The following DHX57 variants were observed in gnomAD, a reference collection of about 807,000 sequenced individuals.
The protein encoded by DHX57 is putative ATP-dependent RNA helicase DHX57.
A neutral mutation model predicts 156.2 loss-of-function variants in DHX57; 105 were observed. The observed-to-expected ratio is 0.67, with a 90% CI of 0.57 to 0.79. The LOEUF (loss-of-function observed/expected upper bound fraction) is 0.79, where lower values mean the gene tolerates loss of function less well. Among genes scored for constraint, DHX57 ranks in the 30% least tolerant of loss-of-function variants. DHX57 has a pLI of 0.00. For synonymous variants in DHX57, 704 were observed against 595.6 expected (o/e 1.18, Z -2.65); for missense variants, 1,847 against 1,661.9 (o/e 1.11, Z -1.94).
At chr2:38,819,552 T>C (rs999757944) in intron 17 of DHX57, among the ~76,000 whole-genome samples, 8 of 152,176 alleles carry the variant, frequency 5.3e-5, no homozygotes, top group Non-Finnish European at 1.0e-4. Flanking sequence ...GAAAGGATTT[T>C]GTGTGGAAAA....
intron 20 of DHX57, among the ~76,000 whole-genome samples, 167 bp downstream of exon 20, chr2:38,815,354 C>T (rs10865144): frequency 0.55 from 83,441 of 152,124 alleles, 24,543 homozygotes; most frequent in East Asian, 0.81. Flanking sequence ...CACGAGCCAC[C>T]GTGCCAGATC....
chr2:38,837,848 T>C lies in DHX57; in HGVS notation c.2525A>G (p.Lys842Arg), dbSNP rs1376211853. 3 of 1,604,630 alleles carry C rather than the reference T, an allele frequency of 1.9e-6. No homozygotes were observed. Among genetic ancestry groups the C allele is most frequent in the East Asian group, 4.5e-5 (2 of 44,826 alleles). ...GCAGTTACCTGGAGGGTAGGAGTGC[T>C]TTCCATCCACAATCCACTCTAATAA... ...EALLEWIVDG[K>R]HSYPPGAILV... Residue 842 changes from lysine (K) to arginine (R), a missense_variant, in exon 13 of 24, where the codon AAG (lysine) becomes AGG (arginine). By Grantham distance (26) the Lys-to-Arg change is conservative. Transcript: ENST00000457308.
rs761744689 is a variant in DHX57 at position 38,825,864 on chromosome 2, C to CA, written c.2996dup (p.Leu999PhefsTer9). The CA allele has an allele frequency of 6.2e-7, 1 of 1,614,142 alleles. No individual in the cohort carries two copies. The highest frequency in any genetic ancestry group is 2.2e-5 in the East Asian group (1 of 44,878). On this transcript the variant is annotated frameshift_variant, in exon 16 of 24. Transcript: ENST00000457308. LOFTEE classifies it high-confidence loss of function. ...GATGTCACCTTAGACACAGCTGTTC[C>CA]AATGGCACTCTTTGTATTTCTGGTA...
intron 13 of DHX57, among the ~76,000 whole-genome samples, chr2:38,830,200 G>A (rs572428718): frequency 6.6e-6 from 1 of 152,258 alleles, no homozygotes; most frequent in African/African-American, 2.4e-5. Context: ...AATAAATGAG[G>A]AATCTGAATT....
chr2:38,803,994 C>T (rs1306136947), intron 22 of DHX57, among the ~76,000 whole-genome samples: 1 of 152,064 alleles, frequency 6.6e-6, no homozygotes, highest in African/African-American at 2.4e-5. Flanking sequence ...GTTGGCCAGG[C>T]TGGTCTCAAA....
chr2:38,840,533 AC>A (rs1671936905), intron 12 of DHX57, among the ~76,000 whole-genome samples: 1 of 151,792 alleles, frequency 6.6e-6, no homozygotes. Context: ...GGTGTGTGCC[AC>A]CACACCTGGC....
In DHX57 at chr2:38,861,372, A is replaced by G; in HGVS notation, c.1038T>C (p.Ile346=). The G allele has an allele frequency of 6.2e-7, 1 of 1,613,924 alleles. No homozygotes were observed. The highest frequency in any genetic ancestry group is 8.5e-7 in the Non-Finnish European group (1 of 1,179,964). The change falls in exon 5 of 24, where the codon ATT becomes ATC. Residue 346 remains isoleucine (I), a synonymous_variant. Transcript: ENST00000457308. ...RSVDDSHLNA[I]EDASFLYELE... Reference sequence around the variant, plus strand: ...GTTCATATAAAAAAGATGCATCTTCAATAGCATTAAGATGAGAATCATCTA... The same window carrying G: ...GTTCATATAAAAAAGATGCATCTTCGATAGCATTAAGATGAGAATCATCTA...
At chr2:38,848,763 T>C (rs900209465) in intron 9 of DHX57, among the ~76,000 whole-genome samples, 1 of 152,186 alleles carries the variant, frequency 6.6e-6, no homozygotes, top group Non-Finnish European at 1.5e-5. Flanking sequence ...TATATAATAT[T>C]TTGAATAATT....
intron 22 of DHX57, 66 bp from the exon 23 acceptor site, chr2:38,802,981 G>A: frequency 6.4e-7 from 1 of 1,573,800 alleles, no homozygotes; most frequent in Non-Finnish European, 8.7e-7. Context: ...CAACCCCCCA[G>A]TCCCACGGAT....
chr2:38,805,135 AAAC>A (rs974432317), intron 22 of DHX57, among the ~76,000 whole-genome samples: 27 of 149,912 alleles, frequency 1.8e-4, no homozygotes, highest in African/African-American at 1.0e-4. Flanking sequence ...GAAACATGCA[AAAC>A]AACAACAACA....
chr2:38,851,768 C>G (rs1672604283), intron 9 of DHX57, among the ~76,000 whole-genome samples: 1 of 152,146 alleles, frequency 6.6e-6, no homozygotes, highest in Non-Finnish European at 1.5e-5. Flanking sequence ...ATAGGTTTCC[C>G]TAAAAGTTTA....
chr2:38,870,637 T>A (rs1558410203), intron 1 of DHX57, among the ~76,000 whole-genome samples: 1 of 152,130 alleles, frequency 6.6e-6, no homozygotes, highest in East Asian at 1.9e-4. Flanking sequence ...TCCAGCACTA[T>A]GGGAGGCCAA....
At chr2:38,849,536 A>AC (rs1191176990) in intron 9 of DHX57, among the ~76,000 whole-genome samples, 1 of 97,044 alleles carries the variant, frequency 1.0e-5, no homozygotes, top group Non-Finnish European at 2.2e-5. Context: ...ATATAGCAAG[A>AC]CCCCATCTCT....
intron 20 of DHX57, 129 bp from the exon 21 acceptor site, chr2:38,814,024 G>A (rs1443024942): frequency 2.6e-5 from 24 of 940,410 alleles, no homozygotes; most frequent in Middle Eastern, 4.6e-4. Flanking sequence ...TGCAACCTCC[G>A]CCTCCCAGGT....
At chr2:38,829,166 C>T (rs1252218236) in intron 13 of DHX57, among the ~76,000 whole-genome samples, 1 of 152,108 alleles carries the variant, frequency 6.6e-6, no homozygotes. Flanking sequence ...TGGTCTCAAA[C>T]TCCTGGACTC....
Position 38,798,438 on chromosome 2 carries a change from G to A in DHX57, c.4022C>T (p.Ala1341Val). ...GCAACGAAGCTCCTTTACCAGTTCA[G>A]CCACCTAAAATGAAAGCTACAATAT... ...IRFVAASHQV[A>V]ELVKELRCEL... Residue 1341 changes from alanine to valine, a missense_variant, in exon 24 of 24, where the codon GCT (alanine) becomes GTT (valine). Transcript: ENST00000457308. 1 of 1,609,456 alleles carries A rather than the reference G, an allele frequency of 6.2e-7. No homozygotes were observed. The highest frequency in any genetic ancestry group is 8.5e-7 in the Non-Finnish European group (1 of 1,178,408).
Position 38,843,009 on chromosome 2 carries a change from A to G in DHX57, c.2421T>C (p.Tyr807=), listed in dbSNP as rs780204210. The G allele has an allele frequency of 2.5e-6, 4 of 1,614,054 alleles. No homozygotes were observed. Among genetic ancestry groups the G allele is most frequent in the East Asian group, 2.2e-5 (1 of 44,894 alleles). Residue 807 remains tyrosine, a synonymous_variant, in exon 12 of 24, where the codon TAT becomes TAC. Transcript: ENST00000457308. ...TTCCCCCAAGAGGCATGTTACCTTTATAGCGGGCCAGGAGCTGCTTAAAAT... is the reference window on the plus strand; with the variant it reads ...TTCCCCCAAGAGGCATGTTACCTTTGTAGCGGGCCAGGAGCTGCTTAAAAT... ...QLDFKQLLAR[Y]KGVSKSVIKT...
intron 13 of DHX57, among the ~76,000 whole-genome samples, chr2:38,830,483 C>T (rs777365276): frequency 6.6e-6 from 1 of 151,940 alleles, no homozygotes; most frequent in Non-Finnish European, 1.5e-5. Context: ...CAAAAATTAG[C>T]CTGGCATGGT....
chr2:38,861,115 T>C lies in DHX57; in HGVS notation c.1295A>G (p.Tyr432Cys), dbSNP rs534676110. ...VKLLTNTHHKYSDPPVNFLPV... is the reference protein window; with the variant it reads ...VKLLTNTHHKCSDPPVNFLPV... ...CAGAAAGTTCACAGGAGGGTCACTA[T>C]ACTTGTGGTGGGTATTCGTTAGTAA... Residue 432 changes from tyrosine to cysteine, a missense_variant, in exon 5 of 24, where the codon TAT becomes TGT. Coordinates refer to ENST00000457308, the MANE Select transcript of DHX57 (RefSeq NM_198963.3). The C allele has an allele frequency of 1.9e-5, 30 of 1,614,234 alleles. No homozygotes were observed. The highest frequency in any genetic ancestry group is 4.0e-5 in the African/African-American group (3 of 75,070).
Sources: allele counts gnomAD v4.1 joint callset (sites outside exome capture counted in the v4.1 genomes callset), GRCh38; gene constraint gnomAD v4.1.1; transcripts MANE v1.5; gene names NCBI Gene and HGNC (gene_info 2026-07-23, HGNC 2026-07-21).